Variants in LASP1 observed in about 807,000 individuals in gnomAD.
LASP1 encodes LIM and SH3 protein 1.
A neutral mutation model predicts 38.6 loss-of-function variants in LASP1; 10 were observed. The ratio of observed to expected loss-of-function variants is 0.26; its 90% confidence interval spans 0.16 to 0.44. LASP1 has a LOEUF of 0.44. LASP1 is among the 20% of genes least tolerant of loss of function. LASP1 has a pLI of 1.00. For missense variants in LASP1, 243 were observed against 375.7 expected (o/e 0.65, Z 2.92); for synonymous variants, 132 against 140.8 (o/e 0.94, Z 0.44).
At chr17:38,914,556 C>T in intron 5 of LASP1, 81 bp downstream of exon 5, 1 of 1,459,184 alleles carries the variant, frequency 6.9e-7, no homozygotes, top group East Asian at 2.3e-5. Flanking sequence ...GACAGACAGA[C>T]AGATACACCT....
chr17:38,878,062 A>G (rs1419450527), intron 1 of LASP1, 24 bp from the exon 2 acceptor site: 1 of 1,575,264 alleles, frequency 6.3e-7, no homozygotes, highest in Non-Finnish European at 8.7e-7. Flanking sequence ...TATCTGATGT[A>G]TGTCCTCCTG....
chr17:38,908,888 A>AC (rs1914845977), intron 4 of LASP1, among the ~76,000 whole-genome samples: 1 of 152,170 alleles, frequency 6.6e-6, no homozygotes, highest in African/African-American at 2.4e-5. Context: ...GGCAGCAGAG[A>AC]CGTTGTGCGG....
At chr17:38,907,574 G>A (rs117911016) in intron 4 of LASP1, among the ~76,000 whole-genome samples, 2,182 of 152,202 alleles carry the variant, frequency 0.014, 37 homozygotes, top group South Asian at 0.044. Flanking sequence ...GTGCGTGTCC[G>A]GCCCATTTTT....
rs1395064718 is a variant in LASP1 at position 38,920,182 on chromosome 17, G to A, written c.*1404G>A. On this transcript the variant is annotated 3_prime_UTR_variant, in exon 7 of 7. Transcript: ENST00000318008. ...GGTCTGCAGCCTGCTGGGGCTAAGC[G>A]GTGGAGGAAGGCTCTGTCACTCCAG... 1.7e-5 allele frequency: 9 copies of A among 519,062 alleles called. No homozygotes were observed. Among genetic ancestry groups the A allele is most frequent in the Non-Finnish European group, 2.3e-5 (6 of 265,194 alleles). The allele number at this position is 519,062 out of a possible 1,614,324, so 32.2% of individuals were successfully genotyped here.
At chr17:38,885,892 G>T (rs1273586675) in intron 2 of LASP1, among the ~76,000 whole-genome samples, 18 of 152,162 alleles carry the variant, frequency 1.2e-4, no homozygotes, top group Admixed American at 1.2e-3. Flanking sequence ...CGGCATGCTG[G>T]TGGGGGGAGG....
At chr17:38,898,143 A>G (rs1026983608) in intron 3 of LASP1, among the ~76,000 whole-genome samples, 1 of 152,190 alleles carries the variant, frequency 6.6e-6, no homozygotes, top group African/African-American at 2.4e-5. Flanking sequence ...GGCTATATGT[A>G]TGGTGGGATC....
chr17:38,898,356 C>T, intron 3 of LASP1, 56 bp from the exon 4 acceptor site: 1 of 1,345,346 alleles, frequency 7.4e-7, no homozygotes, highest in Non-Finnish European at 1.0e-6. Flanking sequence ...GGGCCCCAAG[C>T]CGAGGCCCTT....
chr17:38,902,270 A>G (rs1344659525), intron 4 of LASP1, among the ~76,000 whole-genome samples: 1 of 150,972 alleles, frequency 6.6e-6, no homozygotes, highest in Non-Finnish European at 1.5e-5. Context: ...TATGTTGCCC[A>G]GGCTGGTCTC....
At chr17:38,902,058 A>C (rs1285084353) in intron 4 of LASP1, among the ~76,000 whole-genome samples, 4 of 148,054 alleles carry the variant, frequency 2.7e-5, no homozygotes, top group Admixed American at 6.8e-5. Context: ...TGAGACACCG[A>C]GCCCAGCCTA....
Position 38,914,378 on chromosome 17 carries a change from G to C in LASP1, c.411G>C (p.Glu137Asp). 1.2e-6 allele frequency: 2 copies of C among 1,612,220 alleles called. No individual in the cohort carries two copies. Among genetic ancestry groups the C allele is most frequent in the Non-Finnish European group, 8.5e-7 (1 of 1,179,940 alleles). ...EKSRMGPSGG[E>D]GMEPERRDSQ... ...GCCGCATGGGCCCTAGCGGGGGCGA[G>C]GGCATGGAGCCAGAGCGTCGGGATT... The change falls in exon 5 of 7, where the codon GAG becomes GAC. Residue 137 changes from glutamate (E) to aspartate (D), a missense_variant. By Grantham distance (45) the Glu-to-Asp change is conservative. Transcript: ENST00000318008.
intron 2 of LASP1, among the ~76,000 whole-genome samples, chr17:38,888,284 CTTTT>C: frequency 6.9e-6 from 1 of 144,094 alleles, no homozygotes; most frequent in African/African-American, 2.5e-5. Context: ...CCTGGCGTGA[CTTTT>C]TTTTTTTTTT....
At chr17:38,910,456 C>A (rs954623619) in intron 4 of LASP1, among the ~76,000 whole-genome samples, 1 of 151,866 alleles carries the variant, frequency 6.6e-6, no homozygotes, top group Non-Finnish European at 1.5e-5. Flanking sequence ...CTTCTTCCCC[C>A]CCTCCACCGC....
intron 1 of LASP1, among the ~76,000 whole-genome samples, chr17:38,877,167 A>G (rs552917466): frequency 1.3e-5 from 2 of 152,340 alleles, no homozygotes; most frequent in South Asian, 4.1e-4. Context: ...AGAGGTGCCA[A>G]GTGCTGTGCT....
chr17:38,902,372 CTTTTT>C (rs34801327), intron 4 of LASP1, among the ~76,000 whole-genome samples: 4 of 84,280 alleles, frequency 4.7e-5, no homozygotes, highest in African/African-American at 4.8e-5. Context: ...CCCAGGGGAG[CTTTTT>C]TTTTTTTTTT....
In LASP1 at chr17:38,871,542, C is replaced by T. The variant is rs371602176; in HGVS notation, c.69+1284C>T. 1.4e-3 allele frequency among the ~76,000 whole-genome samples: 220 copies of T among 152,122 alleles called. 1 individual carries two copies. Among genetic ancestry groups the T allele is most frequent in the African/African-American group, 4.8e-3 (198 of 41,484 alleles). On this transcript the variant is annotated intron_variant, in intron 1 of 6. Coordinates refer to ENST00000318008, the MANE Select transcript of LASP1 (RefSeq NM_006148.4). ...CTAGATGAAAGAGGGGTATAGAGCCCTGGGGCCAAGTTCATTACTGACCTG... is the reference window on the plus strand; with the variant it reads ...CTAGATGAAAGAGGGGTATAGAGCCTTGGGGCCAAGTTCATTACTGACCTG...
rs148605477 is a variant in LASP1 at position 38,905,626 on chromosome 17, A to G, written c.357+7107A>G. Among the ~76,000 whole-genome samples the G allele has an allele frequency of 2.6e-3, 395 of 152,014 alleles. 9 individuals are homozygous for G. The South Asian group carries it at 0.037, about 14-fold the overall frequency. ...TGCACTGATTTACCCTCCCACCAGC[A>G]GAGATGAGTTTCATTTGCTCCATGT... On this transcript the variant is annotated intron_variant, in intron 4 of 6. Transcript: ENST00000318008.
In LASP1 at chr17:38,879,161, C is replaced by CTTTTTT. The variant is rs55952948; in HGVS notation, c.164+992_164+997dup. Reference sequence around the variant, plus strand: ...GATAATTTCTTTTTCTTTTAATTTGCTTTTTTTTTTTTTTTTGAGTCAGAG... The same window carrying CTTTTTT: ...GATAATTTCTTTTTCTTTTAATTTGCTTTTTTTTTTTTTTTTTTTTTTGAGTCAGAG... On this transcript the variant is annotated intron_variant, in intron 2 of 6. Transcript: ENST00000318008. Among the ~76,000 whole-genome samples, 40 of 123,674 alleles carry CTTTTTT rather than the reference C, an allele frequency of 3.2e-4. 1 individual carries two copies. Among genetic ancestry groups the CTTTTTT allele is most frequent in the East Asian group, 4.9e-4 (2 of 4,110 alleles). The allele number at this position is 123,674 out of a possible 152,430, so 81.1% of individuals were successfully genotyped here. A position where few individuals can be genotyped will look rare whatever the true frequency, so the allele number is the denominator to read the frequency against.
Position 38,919,841 on chromosome 17 carries a change from G to C in LASP1, c.*1063G>C, listed in dbSNP as rs554505428. ...ACCTGGTGTGCGGAGGCAGGAGCAT[G>C]TATGTCTGCAGGTGTCTGACACGCA... On this transcript the variant is annotated 3_prime_UTR_variant, in exon 7 of 7. Coordinates refer to ENST00000318008, the MANE Select transcript of LASP1 (RefSeq NM_006148.4). 9.6e-5 allele frequency: 44 copies of C among 456,312 alleles called. No individual in the cohort carries two copies. The highest frequency in any genetic ancestry group is 2.9e-4 in the Admixed American group (10 of 34,772). 28.3% of individuals were successfully genotyped at this position (456,312 alleles called of 1,614,324 possible).
At chr17:38,877,237 T>C (rs1457715084) in intron 1 of LASP1, among the ~76,000 whole-genome samples, 1 of 152,210 alleles carries the variant, frequency 6.6e-6, no homozygotes, top group Non-Finnish European at 1.5e-5. Context: ...CCAGGTGTTA[T>C]TACATCCATT....
Sources: gnomAD v4.1 joint callset for allele counts (sites outside exome capture counted in the v4.1 genomes callset) on GRCh38, gnomAD v4.1.1 for gene constraint, MANE v1.5 for transcripts, NCBI Gene and HGNC (gene_info 2026-07-23, HGNC 2026-07-21) for gene names.